The following RAP1GAP2 variants were observed in gnomAD, a reference collection of about 807,000 sequenced individuals.
RAP1GAP2 encodes the protein rap1 GTPase-activating protein 2.
RAP1GAP2 carries 27 observed loss-of-function variants against 95.0 expected under a neutral mutation model. The ratio of observed to expected loss-of-function variants is 0.28; its 90% CI spans 0.21 to 0.39. The LOEUF (loss-of-function observed/expected upper bound fraction) is 0.39. RAP1GAP2 is among the 10% of genes least tolerant of loss of function. The pLI, the probability that RAP1GAP2 is intolerant of heterozygous loss-of-function variation, is 1.00. For synonymous variants in RAP1GAP2, 373 were observed against 380.9 expected, an observed-to-expected ratio of 0.98 and a Z score of 0.24; for missense variants, 771 against 970.0, an observed-to-expected ratio of 0.79 and a Z score of 2.72.
chr17:2,818,788 C>A (rs1201362361), intron 2 of RAP1GAP2, among the ~76,000 whole-genome samples: 1 of 152,166 alleles, frequency 6.6e-6, no homozygotes, highest in African/African-American at 2.4e-5. Flanking sequence ...GGCTCTGACA[C>A]GCAGCAGCTG....
intron 2 of RAP1GAP2, among the ~76,000 whole-genome samples, chr17:2,809,712 C>T (rs2069674536): frequency 6.6e-6 from 1 of 152,178 alleles, no homozygotes; most frequent in Non-Finnish European, 1.5e-5. Flanking sequence ...AAGAATTGCT[C>T]CCACTTGGCT....
chr17:2,982,594 C>T (rs1327862015), intron 10 of RAP1GAP2, among the ~76,000 whole-genome samples: 1 of 152,014 alleles, frequency 6.6e-6, no homozygotes. Flanking sequence ...CTGTTGATAC[C>T]AGGAGTATGC....
At chr17:2,805,961 C>A (rs1382131481) in intron 2 of RAP1GAP2, among the ~76,000 whole-genome samples, 1 of 152,134 alleles carries the variant, frequency 6.6e-6, no homozygotes, top group African/African-American at 2.4e-5. Context: ...GGAAAAAAAT[C>A]CAGCTTAAAT....
At chr17:2,796,310 C>T (rs967017121), upstream of RAP1GAP2, 13 of 576,254 alleles carry the variant, frequency 2.3e-5, no homozygotes, top group African/African-American at 1.3e-4. This position sits in a 1 kb window ranked among gnomAD's most constrained non-coding sequence, Gnocchi z 4.7. Flanking sequence ...ACAACCTCCT[C>T]GGCCTATCTT....
chr17:3,024,058 C>T (rs1373570162), intron 19 of RAP1GAP2, among the ~76,000 whole-genome samples: 2 of 152,008 alleles, frequency 1.3e-5, no homozygotes, highest in Non-Finnish European at 2.9e-5. Context: ...AGTTGGGAAC[C>T]AATAGGGTAG....
rs1758769643 is a variant in RAP1GAP2, at chr17:3,033,291, T to C, written c.*31-101T>C. ...GAGTGTATCCAGTGAGCTGTAGCCA[T>C]GGGCAGGCGTGTTCCCCACCCCTTG... On this transcript the variant is annotated intron_variant, in intron 24 of 24. Transcript: ENST00000254695. The surrounding 1 kb of genome is among the most constrained non-coding windows in gnomAD (Gnocchi z 4.9). 1 of 152,512 alleles carries C rather than the reference T, an allele frequency of 6.6e-6. No homozygotes were observed. Among genetic ancestry groups the C allele is most frequent in the African/African-American group, 2.4e-5 (1 of 41,364 alleles). 9.4% of individuals were successfully genotyped at this position (152,512 alleles called of 1,614,324 possible). A position where few individuals can be genotyped will look rare whatever the true frequency, so the allele number is the denominator to read the frequency against.
At chr17:2,811,393 GGC>G (rs2151498970) in intron 2 of RAP1GAP2, among the ~76,000 whole-genome samples, 1 of 152,262 alleles carries the variant, frequency 6.6e-6, no homozygotes, top group South Asian at 2.1e-4. Flanking sequence ...GGACGTGAGG[GGC>G]TGCTCTTGTC....
chr17:2,788,459 A>AT (rs572181126), intron 1 of RAP1GAP2, among the ~76,000 whole-genome samples: 9 of 151,180 alleles, frequency 6.0e-5, no homozygotes, highest in Admixed American at 2.6e-4. Context: ...CCATGCCCAG[A>AT]TTTTTTTTTG....
Position 3,020,575 on chromosome 17 carries a change from G to T in RAP1GAP2, c.1731G>T (p.Gln577His), listed in dbSNP as rs779343807. Residue 577 changes from glutamine to histidine, a missense_variant, in exon 19 of 25, where the codon CAG (glutamine) becomes CAT (histidine). By Grantham distance (24) the Gln-to-His change is conservative. Coordinates refer to ENST00000254695, the MANE Select transcript of RAP1GAP2 (RefSeq NM_015085.5). ...GCCTGCACACGGGCTCAGAAGGCCA[G>T]GGCGACAGCCGGGCACGATGGTAAC... is the stretch of plus-strand genomic sequence containing the variant. ...FPRLHTGSEG[Q>H]GDSRARCDST... The T allele has an allele frequency of 1.6e-5, 26 of 1,613,796 alleles. 1 individual carries two copies. The South Asian group carries it at 2.7e-4, about 17-fold the overall frequency.
chr17:2,858,941 C>A (rs530871746), intron 2 of RAP1GAP2, among the ~76,000 whole-genome samples: 1 of 151,868 alleles, frequency 6.6e-6, no homozygotes, highest in South Asian at 2.1e-4. Flanking sequence ...GTAACACTAC[C>A]GTTATTATAC....
chr17:2,826,716 G>A (rs1272579117), intron 2 of RAP1GAP2, among the ~76,000 whole-genome samples: 1 of 152,062 alleles, frequency 6.6e-6, no homozygotes, highest in African/African-American at 2.4e-5. Context: ...AGCATGAAAG[G>A]AGGATTTCCG....
intron 8 of RAP1GAP2, among the ~76,000 whole-genome samples, chr17:2,977,560 C>T (rs953426987): frequency 1.3e-5 from 2 of 151,826 alleles, no homozygotes; most frequent in East Asian, 1.9e-4. Flanking sequence ...GCCTGGCCAA[C>T]ATGGTGAAAC....
chr17:2,919,023 G>T lies in RAP1GAP2; in HGVS notation c.165+13655G>T, dbSNP rs7213249. ...GGGGGAAGTACACCAGGTTTTCGGT[G>T]AATATAGTTTGTCAGGACGCCCTGA... On this transcript the variant is annotated intron_variant, in intron 3 of 24. Transcript: ENST00000254695. Among the ~76,000 whole-genome samples the T allele has an allele frequency of 5.4e-3, 826 of 152,260 alleles. 3 individuals are homozygous for T. The highest frequency in any genetic ancestry group is 0.01 in the Middle Eastern group (3 of 292).
chr17:3,006,840 C>T (rs1410250834), intron 16 of RAP1GAP2, among the ~76,000 whole-genome samples: 3 of 151,684 alleles, frequency 2.0e-5, no homozygotes, highest in South Asian at 4.2e-4. Context: ...ACAGGGTAGT[C>T]GGGGGGTGGG....
At chr17:2,820,892 G>GTTTTTTTTTT (rs59814346) in intron 2 of RAP1GAP2, among the ~76,000 whole-genome samples, 15 of 104,092 alleles carry the variant, frequency 1.4e-4, no homozygotes, top group Non-Finnish European at 2.3e-4. Context: ...CCGGATAATG[G>GTTTTTTTTTT]TTTTTTTTTT....
intron 3 of RAP1GAP2, among the ~76,000 whole-genome samples, chr17:2,924,265 C>T (rs958738683): frequency 3.9e-5 from 6 of 152,066 alleles, no homozygotes; most frequent in African/African-American, 7.2e-5. Flanking sequence ...GGCTGAGTAA[C>T]GGTCTGCACC....
intron 2 of RAP1GAP2, among the ~76,000 whole-genome samples, chr17:2,813,481 C>A (rs2069863028): frequency 6.6e-6 from 1 of 151,704 alleles, no homozygotes; most frequent in African/African-American, 2.4e-5. Context: ...GGCAATGACT[C>A]AGGTCAGGCT....
rs2042042040 is a variant in RAP1GAP2 at position 2,902,096 on chromosome 17, T to C, written c.81-3188T>C. On this transcript the variant is annotated intron_variant, in intron 2 of 24. Transcript: ENST00000254695. The surrounding 1 kb of genome is among the most constrained non-coding windows in gnomAD (Gnocchi z 4.1). The stretch of plus-strand genomic sequence containing the variant: ...CTAGGGAAGAATCCTTCCTCGCCTC[T>C]TCTAGCCTCTGGCGGGGTCGGCAAG... 6.6e-6 allele frequency among the ~76,000 whole-genome samples: 1 copy of C among 152,246 alleles called. No individual in the cohort carries two copies. Among genetic ancestry groups the C allele is most frequent in the Admixed American group, 6.5e-5 (1 of 15,282 alleles).
chr17:2,954,881 C>G (rs747362919), intron 3 of RAP1GAP2, among the ~76,000 whole-genome samples: 2 of 152,176 alleles, frequency 1.3e-5, no homozygotes, highest in South Asian at 2.1e-4. Context: ...TGTGAGCCAC[C>G]GTACCCGGCC....
Sources: allele counts gnomAD v4.1 joint callset (sites outside exome capture counted in the v4.1 genomes callset), GRCh38; gene constraint gnomAD v4.1.1; non-coding constraint Gnocchi (gnomAD v3.1); transcripts MANE v1.5; gene names NCBI Gene and HGNC (gene_info 2026-07-23, HGNC 2026-07-21).